Variants in PNKD observed in about 807,000 individuals in gnomAD.
The protein encoded by PNKD is probable thioesterase PNKD.
In PNKD, 36 loss-of-function variants were observed where a neutral mutation model predicts 45.3. That is an observed-to-expected ratio of 0.80 (90% CI 0.61 to 1.05). PNKD has a LOEUF of 1.05. Among genes scored for constraint, PNKD ranks in the 50% least tolerant of loss-of-function variants. PNKD has a pLI of 0.00. For missense variants in PNKD, 511 were observed against 506.6 expected, an observed-to-expected ratio of 1.01 and a Z score of -0.08; for synonymous variants, 197 against 210.1, an observed-to-expected ratio of 0.94 and a Z score of 0.54.
chr2:218,297,903 C>G (rs1264523879), intron 2 of PNKD, among the ~76,000 whole-genome samples: 1 of 149,046 alleles, frequency 6.7e-6, no homozygotes, highest in Non-Finnish European at 1.5e-5. Flanking sequence ...GAGGCTGAGG[C>G]AGGAGAATGG....
rs116778315 is a variant in PNKD at position 218,345,395 on chromosome 2, T to C, written c.*414T>C. ...GTCCATCTTGCCCTTCCCCCATCCA[T>C]GGTTGGGAAAGAAGCTCAGCCCCTC... is the stretch of plus-strand genomic sequence containing the variant. On this transcript the variant is annotated 3_prime_UTR_variant, in exon 10 of 10. Transcript: ENST00000273077. The C allele has an allele frequency of 5.6e-3, 1,005 of 178,570 alleles. 15 individuals carry two copies. Among genetic ancestry groups the C allele is most frequent in the African/African-American group, 0.022 (943 of 42,232 alleles). The allele number at this position is 178,570 out of a possible 1,614,324, so 11.1% of individuals were successfully genotyped here.
chr2:218,279,988 G>A, intron 2 of PNKD: 6 of 1,570,276 alleles, frequency 3.8e-6, no homozygotes, highest in Non-Finnish European at 5.3e-6. Context: ...ACAGCCTGAG[G>A]GGCCCCAGGT....
At chr2:218,325,944 G>T (rs901303458) in intron 2 of PNKD, among the ~76,000 whole-genome samples, 1 of 152,166 alleles carries the variant, frequency 6.6e-6, no homozygotes, top group Non-Finnish European at 1.5e-5. Context: ...GAAACAATCA[G>T]TCCAGTCCCC....
intron 2 of PNKD, chr2:218,280,016 C>G: frequency 1.2e-6 from 2 of 1,612,670 alleles, no homozygotes; most frequent in Non-Finnish European, 1.7e-6. Flanking sequence ...CCTCCCAGCG[C>G]GTATCTTACC....
chr2:218,280,020 T>C, intron 2 of PNKD: 1 of 1,613,652 alleles, frequency 6.2e-7, no homozygotes, highest in Non-Finnish European at 8.5e-7. Flanking sequence ...CCAGCGCGTA[T>C]CTTACCTTTC....
In PNKD at chr2:218,311,151, C is replaced by A. The variant is rs1361197810; in HGVS notation, c.237-28632C>A. ...CTTTTTAAGAACAAGCAGAACCTTC[C>A]TAGAAGGCCTTCAGCCTATTTGCCT... On this transcript the variant is annotated intron_variant, in intron 2 of 9. Coordinates refer to ENST00000273077, the MANE Select transcript of PNKD (RefSeq NM_015488.5). 2.0e-5 allele frequency among the ~76,000 whole-genome samples: 3 copies of A among 152,100 alleles called. No homozygotes were observed. The East Asian group carries it at 5.8e-4, about 29-fold the overall frequency.
chr2:218,322,730 C>A (rs772559651), intron 2 of PNKD, among the ~76,000 whole-genome samples: 3 of 152,230 alleles, frequency 2.0e-5, no homozygotes, highest in Non-Finnish European at 4.4e-5. Context: ...TTCGTCGCCT[C>A]ACTAGATTCC....
At position 218,270,590 on chromosome 2, in the gene PNKD, C is replaced by G. The variant is rs1690790863; in HGVS notation, c.55C>G (p.Arg19Gly). The change falls in exon 1 of 10, where the codon CGC becomes GGC. Residue 19 changes from arginine (R) to glycine (G), a missense_variant. Coordinates refer to ENST00000273077, the MANE Select transcript of PNKD (RefSeq NM_015488.5). ...ALKGRGARNA[R>G]VLRGILAGAT... ...GAAGGGCCGGGGGGCGAGAAATGCC[C>G]GCGTCCTCCGGGGTAAGGAGAGGGA... The G allele has an allele frequency of 9.1e-7, 1 of 1,093,408 alleles. No individual in the cohort carries two copies. Among genetic ancestry groups the G allele is most frequent in the Non-Finnish European group, 1.2e-6 (1 of 834,812 alleles). The allele number at this position is 1,093,408 out of a possible 1,614,324, so 67.7% of individuals were successfully genotyped here. A position where few individuals can be genotyped will look rare whatever the true frequency, so the allele number is the denominator to read the frequency against.
chr2:218,324,091 C>T (rs1023651614), intron 2 of PNKD, among the ~76,000 whole-genome samples: 1 of 152,208 alleles, frequency 6.6e-6, no homozygotes, highest in Non-Finnish European at 1.5e-5. Context: ...CGTCGACCCT[C>T]CCCCGCTCAC....
chr2:218,327,930 C>G (rs1694200050), intron 2 of PNKD: 1 of 148,044 alleles, frequency 6.8e-6, no homozygotes, highest in Non-Finnish European at 1.5e-5. Context: ...CTATTGCACT[C>G]CAGCCTGGGT....
chr2:218,319,810 C>T (rs1367735570), intron 2 of PNKD, among the ~76,000 whole-genome samples: 1 of 152,246 alleles, frequency 6.6e-6, no homozygotes, highest in African/African-American at 2.4e-5. Flanking sequence ...GAGGCGAAAT[C>T]GCCACTGTTG....
intron 1 of PNKD, chr2:218,270,866 C>A (rs1690802387): frequency 2.6e-6 from 1 of 388,994 alleles, no homozygotes; most frequent in Non-Finnish European, 4.6e-6. Flanking sequence ...GTGTTTCACA[C>A]TCACCGCAGT....
At chr2:218,280,267 G>C (rs890501527) in intron 2 of PNKD, 1 of 661,644 alleles carries the variant, frequency 1.5e-6, no homozygotes, top group African/African-American at 1.8e-5. Context: ...CCCAAGCTGG[G>C]GTCTTCTAGA....
chr2:218,342,679 G>A (rs1694716594), intron 7 of PNKD, among the ~76,000 whole-genome samples: 1 of 151,964 alleles, frequency 6.6e-6, no homozygotes, highest in Non-Finnish European at 1.5e-5. Context: ...CAACCTGGAA[G>A]ACAGAGTGAG....
intron 2 of PNKD, among the ~76,000 whole-genome samples, chr2:218,299,622 T>G (rs535927959): frequency 4.1e-5 from 6 of 146,370 alleles, no homozygotes; most frequent in Non-Finnish European, 9.0e-5. Flanking sequence ...TTTTTGTAAT[T>G]TTTTTTTTTT....
intron 2 of PNKD, among the ~76,000 whole-genome samples, chr2:218,310,431 C>T (rs1406810980): frequency 2.6e-5 from 4 of 151,492 alleles, no homozygotes; most frequent in African/African-American, 9.7e-5. Flanking sequence ...ACCATATTGG[C>T]CAGGCTGGTC....
intron 2 of PNKD, chr2:218,272,964 G>C (rs1690910033): frequency 7.0e-7 from 1 of 1,429,308 alleles, no homozygotes; most frequent in Non-Finnish European, 9.2e-7. Flanking sequence ...CTGGGTTTGT[G>C]AGTCCCTTGG....
At chr2:218,319,609 C>T (rs1228892163) in intron 2 of PNKD, among the ~76,000 whole-genome samples, 1 of 151,826 alleles carries the variant, frequency 6.6e-6, no homozygotes, top group African/African-American at 2.4e-5. Context: ...CTCCTGACCT[C>T]GTGATCTGCC....
intron 2 of PNKD, among the ~76,000 whole-genome samples, chr2:218,294,546 C>T (rs1046242751): frequency 6.6e-6 from 1 of 152,224 alleles, no homozygotes; most frequent in Non-Finnish European, 1.5e-5. Flanking sequence ...GGCACAATTG[C>T]AGCTCACTGC....
Sources: allele counts gnomAD v4.1 joint callset (sites outside exome capture counted in the v4.1 genomes callset), GRCh38; gene constraint gnomAD v4.1.1; transcripts MANE v1.5; gene names NCBI Gene and HGNC (gene_info 2026-07-23, HGNC 2026-07-21).